ITGB8: variants seen among roughly 807,000 people sequenced by gnomAD.
ITGB8 encodes integrin subunit beta 8.
ITGB8 carries 30 observed loss-of-function variants against 89.5 expected under a neutral mutation model. The observed-to-expected ratio is 0.34, with a 90% CI of 0.25 to 0.45. The LOEUF (loss-of-function observed/expected upper bound fraction) is 0.45. Ranked by LOEUF, ITGB8 falls within the 20% of genes least tolerant of loss-of-function variation. The pLI, the probability that ITGB8 is intolerant of heterozygous loss-of-function variation, is 1.00. For missense variants in ITGB8, 836 were observed against 933.3 expected, an observed-to-expected ratio of 0.90 and a Z score of 1.36; for synonymous variants, 335 against 320.4, an observed-to-expected ratio of 1.05 and a Z score of -0.49.
intron 1 of ITGB8, among the ~76,000 whole-genome samples, chr7:20,341,469 C>G (rs1157934087): frequency 6.6e-6 from 1 of 152,154 alleles, no homozygotes; most frequent in Non-Finnish European, 1.5e-5. Context: ...GAGAGCCTGA[C>G]GTCAGGTTGA....
chr7:20,339,591 G>A (rs1784686608), intron 1 of ITGB8, among the ~76,000 whole-genome samples: 1 of 152,024 alleles, frequency 6.6e-6, no homozygotes, highest in Non-Finnish European at 1.5e-5. Flanking sequence ...ATTGAAAAAA[G>A]TCCTTAACTA....
At chr7:20,330,340 C>A (rs1784331825), upstream of ITGB8, among the ~76,000 whole-genome samples, 1 of 152,208 alleles carries the variant, frequency 6.6e-6, no homozygotes, top group African/African-American at 2.4e-5. Context: ...GGTCCCTTGA[C>A]TCCACTTTGT....
chr7:20,359,697 G>C (rs957140376), intron 1 of ITGB8, among the ~76,000 whole-genome samples: 1 of 152,064 alleles, frequency 6.6e-6, no homozygotes, highest in Admixed American at 6.6e-5. Flanking sequence ...GTGTGGGAGA[G>C]AGAGAAGAAA....
intron 7 of ITGB8, among the ~76,000 whole-genome samples, chr7:20,392,391 A>T (rs2127974036): frequency 6.6e-6 from 1 of 152,244 alleles, no homozygotes; most frequent in African/African-American, 2.4e-5. Context: ...GGCTTCAATA[A>T]ATACTTGAAC....
chr7:20,399,075 G>GA, intron 9 of ITGB8, 81 bp downstream of exon 9: 1 of 1,453,928 alleles, frequency 6.9e-7, no homozygotes, highest in Non-Finnish European at 9.3e-7. Flanking sequence ...AAACCATTCT[G>GA]AAAAATTTTA....
intron 3 of ITGB8, among the ~76,000 whole-genome samples, chr7:20,370,909 C>T (rs1323821167): frequency 6.6e-6 from 1 of 152,060 alleles, no homozygotes; most frequent in African/African-American, 2.4e-5. Context: ...CCATCGAGCC[C>T]GGCCTAAACT....
At chr7:20,350,216 C>T (rs553042183) in intron 1 of ITGB8, among the ~76,000 whole-genome samples, 9 of 152,176 alleles carry the variant, frequency 5.9e-5, no homozygotes, top group South Asian at 2.1e-4. Flanking sequence ...GGCATGATCT[C>T]GGCTCACTGC....
chr7:20,372,304 C>T (rs1249733324), intron 3 of ITGB8, among the ~76,000 whole-genome samples: 1 of 151,940 alleles, frequency 6.6e-6, no homozygotes, highest in Non-Finnish European at 1.5e-5. Flanking sequence ...TATAAATGAA[C>T]AGTTCAAAAG....
Position 20,404,722 on chromosome 7 carries a change from C to T in ITGB8, c.1782C>T (p.Val594=). Residue 594 remains valine, a synonymous_variant, in exon 11 of 14, where the codon GTC becomes GTT. Transcript: ENST00000222573. ...QCPSAAAQHC[V]NSKGQVCSGR... is the part of the protein sequence containing the mutation. ...CTTCAGCAGCAGCCCAGCACTGTGT[C>T]AATTCAAAGGGCCAAGTGTGCAGTG... 1.9e-6 allele frequency: 3 copies of T among 1,614,132 alleles called. No individual in the cohort carries two copies. Among genetic ancestry groups the T allele is most frequent in the Non-Finnish European group, 2.5e-6 (3 of 1,180,008 alleles).
At chr7:20,359,275 C>T (rs1785411563) in intron 1 of ITGB8, among the ~76,000 whole-genome samples, 1 of 152,180 alleles carries the variant, frequency 6.6e-6, no homozygotes, top group Non-Finnish European at 1.5e-5. Context: ...TATAATACTT[C>T]TTCCATTGGC....
intron 1 of ITGB8, among the ~76,000 whole-genome samples, chr7:20,358,260 G>T (rs759205871): frequency 2.6e-5 from 4 of 152,048 alleles, no homozygotes; most frequent in Non-Finnish European, 5.9e-5. Context: ...ACCATTCCTG[G>T]CCTACCTGGT....
At chr7:20,362,903 G>T (rs1785558795) in intron 1 of ITGB8, among the ~76,000 whole-genome samples, 1 of 152,122 alleles carries the variant, frequency 6.6e-6, no homozygotes, top group African/African-American at 2.4e-5. Context: ...TAATTTCTAG[G>T]CACTACTATG....
chr7:20,354,543 G>C (rs1305007626), intron 1 of ITGB8, among the ~76,000 whole-genome samples: 2 of 152,144 alleles, frequency 1.3e-5, no homozygotes, highest in African/African-American at 4.8e-5. Flanking sequence ...CCAGTTCTGA[G>C]AGTAAACGAG....
rs372338225 is a variant in ITGB8, at chr7:20,370,843, G to A, written c.388+3657G>A. ...TGGCCAGACTGGTCTCGAACTCCTC[G>A]ACTCAGGTGATCCACCAGCCTCGGC... On this transcript the variant is annotated intron_variant, in intron 3 of 13. Transcript: ENST00000222573. Among the ~76,000 whole-genome samples the A allele has an allele frequency of 4.9e-4, 75 of 152,056 alleles. No homozygotes were observed. In the East Asian group the frequency reaches 0.012, roughly 25 times the overall value.
rs556465402 is a variant in ITGB8, at chr7:20,350,506, A to C, written c.128-13131A>C. Among the ~76,000 whole-genome samples the C allele has an allele frequency of 3.3e-5, 5 of 152,330 alleles. No individual in the cohort carries two copies. In the South Asian group the frequency reaches 1.0e-3, roughly 32 times the overall value. The stretch of plus-strand genomic sequence containing the variant: ...ATAAACTGTATCTTAAAACAGTCCC[A>C]TAAACTCACAGAACTGTACATGCTA... On this transcript the variant is annotated intron_variant, in intron 1 of 13. Transcript: ENST00000222573.
At chr7:20,340,496 C>A (rs1283380988) in intron 1 of ITGB8, among the ~76,000 whole-genome samples, 7 of 152,270 alleles carry the variant, frequency 4.6e-5, no homozygotes, top group Middle Eastern at 6.8e-3. Flanking sequence ...TGGATTTGGG[C>A]CAGGAATGTT....
intron 9 of ITGB8, 81 bp from the exon 10 acceptor site, chr7:20,401,640 T>C: frequency 1.2e-6 from 1 of 802,448 alleles, no homozygotes; most frequent in Non-Finnish European, 1.8e-6. Context: ...TTCTTATCAA[T>C]TCAGTTATTA....
At chr7:20,381,023 G>A (rs886460717) in intron 5 of ITGB8, 192 bp downstream of exon 5, 3 of 506,150 alleles carry the variant, frequency 5.9e-6, no homozygotes, top group East Asian at 3.3e-5. Context: ...TTCAGGGAGG[G>A]ATTTAAATAG....
At position 20,394,886 on chromosome 7, in the gene ITGB8, T is replaced by C; in HGVS notation, c.1057-10T>C. On this transcript the variant is annotated splice_polypyrimidine_tract_variant and intron_variant, in intron 7 of 13. Transcript: ENST00000222573. ...TGTCATTGTTTAAATGCTACTGATA[T>C]GTTTTATAGGATCTTCTACCCCTCT... 1.3e-6 allele frequency: 2 copies of C among 1,584,650 alleles called. No individual in the cohort carries two copies. The highest frequency in any genetic ancestry group is 1.7e-6 in the Non-Finnish European group (2 of 1,153,134).
Sources: gnomAD v4.1 joint callset for allele counts (sites outside exome capture counted in the v4.1 genomes callset) on GRCh38, gnomAD v4.1.1 for gene constraint, MANE v1.5 for transcripts, NCBI Gene and HGNC (gene_info 2026-07-23, HGNC 2026-07-21) for gene names.